The following CORIN variants were observed in gnomAD, a reference collection of about 807,000 sequenced individuals.
The protein encoded by CORIN is corin, serine peptidase, also known as atrial natriuretic peptide-converting enzyme.
Under a neutral mutation model 125.3 loss-of-function variants are expected in CORIN, and 117 were observed. The observed-to-expected ratio is 0.93, with a 90% CI of 0.80 to 1.09. The LOEUF (loss-of-function observed/expected upper bound fraction) is 1.09. Ranked by LOEUF, CORIN falls within the 50% of genes least tolerant of loss-of-function variation. The pLI is 0.00. For missense variants in CORIN, 1,253 were observed against 1,306.7 expected, an observed-to-expected ratio of 0.96 and a Z score of 0.63; for synonymous variants, 450 against 466.4, an observed-to-expected ratio of 0.96 and a Z score of 0.45.
intron 16 of CORIN, among the ~76,000 whole-genome samples, chr4:47,627,216 C>A (rs1722615307): frequency 6.6e-6 from 1 of 152,274 alleles, no homozygotes; most frequent in Non-Finnish European, 1.5e-5. Context: ...CTCCTGACCT[C>A]AAGTGGTCTG....
At chr4:47,696,015 G>A (rs775151950) in intron 5 of CORIN, among the ~76,000 whole-genome samples, 5 of 152,052 alleles carry the variant, frequency 3.3e-5, no homozygotes, top group South Asian at 2.1e-4. Context: ...GCTGATACTC[G>A]GCCAGTTTAA....
intron 12 of CORIN, among the ~76,000 whole-genome samples, chr4:47,657,535 C>CAA (rs35311151): frequency 1.6e-3 from 128 of 82,084 alleles, no homozygotes; most frequent in African/African-American, 1.9e-3. Context: ...ACTCCGTCTC[C>CAA]AAAAAAAAAA....
At chr4:47,719,640 C>A (rs2109794366) in intron 5 of CORIN, among the ~76,000 whole-genome samples, 1 of 152,246 alleles carries the variant, frequency 6.6e-6, no homozygotes, top group South Asian at 2.1e-4. Context: ...AGTTTCATAG[C>A]TAAACAAGAA....
chr4:47,710,370 C>A (rs1025709380), intron 5 of CORIN, among the ~76,000 whole-genome samples: 6 of 152,336 alleles, frequency 3.9e-5, no homozygotes, highest in Non-Finnish European at 5.9e-5. Context: ...ATTCTAAAAT[C>A]TTTAAAGAGC....
chr4:47,796,770 T>C (rs1210995376), intron 2 of CORIN, among the ~76,000 whole-genome samples: 2 of 151,968 alleles, frequency 1.3e-5, no homozygotes, highest in Non-Finnish European at 2.9e-5. Context: ...AATGAATAAA[T>C]AAACAAATAA....
intron 20 of CORIN, among the ~76,000 whole-genome samples, chr4:47,602,408 C>T (rs951500631): frequency 2.6e-5 from 4 of 152,210 alleles, no homozygotes; most frequent in African/African-American, 9.7e-5. Context: ...GTTAAGTCAT[C>T]TACAGAGCCA....
At chr4:47,742,168 T>C (rs1230182799) in intron 5 of CORIN, among the ~76,000 whole-genome samples, 1 of 151,910 alleles carries the variant, frequency 6.6e-6, no homozygotes, top group African/African-American at 2.4e-5. Flanking sequence ...TCAAAACCCA[T>C]TCAGGATTTT....
intron 13 of CORIN, among the ~76,000 whole-genome samples, chr4:47,653,344 G>T (rs1346809665): frequency 6.6e-6 from 1 of 152,064 alleles, no homozygotes; most frequent in East Asian, 1.9e-4. Flanking sequence ...TATGTATCAG[G>T]GTTATATAGA....
At chr4:47,823,021 G>T (rs1217269808) in intron 1 of CORIN, among the ~76,000 whole-genome samples, 1 of 152,032 alleles carries the variant, frequency 6.6e-6, no homozygotes, top group African/African-American at 2.4e-5. Context: ...CACCATATTG[G>T]CCAGGATGGT....
At position 47,603,436 on chromosome 4, in the gene CORIN, A is replaced by G; in HGVS notation, c.2773T>C (p.Tyr925His). 6.2e-7 allele frequency: 1 copy of G among 1,614,184 alleles called. No individual in the cohort carries two copies. Among genetic ancestry groups the G allele is most frequent in the Non-Finnish European group, 8.5e-7 (1 of 1,180,028 alleles). Residue 925 changes from tyrosine to histidine, a missense_variant, in exon 20 of 22, where the codon TAC (tyrosine) becomes CAC (histidine). Transcript: ENST00000273857. ...NPEQWLEPDT[Y>H]CYITGWGHMG... ...TGGCCCCAGCCTGTGATATAGCAGTACGTGTCAGGCTCTAGCCACTGCTCC... is the reference window on the plus strand; with the variant it reads ...TGGCCCCAGCCTGTGATATAGCAGTGCGTGTCAGGCTCTAGCCACTGCTCC...
At chr4:47,614,096 G>A (rs1721978880) in intron 19 of CORIN, among the ~76,000 whole-genome samples, 1 of 152,196 alleles carries the variant, frequency 6.6e-6, no homozygotes, top group Admixed American at 6.5e-5. Context: ...AACAAGAAAA[G>A]AGGAAAATTG....
chr4:47,731,998 T>G (rs977424058), intron 5 of CORIN, among the ~76,000 whole-genome samples: 7 of 151,778 alleles, frequency 4.6e-5, no homozygotes, highest in African/African-American at 1.5e-4. Flanking sequence ...TCTTGAGAGG[T>G]GTAAGCAAGG....
At chr4:47,770,993 G>A (rs1266218009) in intron 3 of CORIN, among the ~76,000 whole-genome samples, 1 of 152,058 alleles carries the variant, frequency 6.6e-6, no homozygotes, top group East Asian at 1.9e-4. Context: ...ATAATGCCCT[G>A]TACACTTTGA....
At chr4:47,776,149 A>T (rs1029329804) in intron 3 of CORIN, among the ~76,000 whole-genome samples, 1 of 149,892 alleles carries the variant, frequency 6.7e-6, no homozygotes, top group African/African-American at 2.5e-5. Context: ...CCTCCCGAGT[A>T]GCTGGGACTA....
intron 1 of CORIN, among the ~76,000 whole-genome samples, chr4:47,836,578 T>TA (rs1733427969): frequency 3.9e-5 from 6 of 152,354 alleles, no homozygotes; most frequent in Middle Eastern, 3.4e-3. Flanking sequence ...CGAAGTCTTG[T>TA]ACAGGAGTCC....
chr4:47,709,271 CTTTATTTATTTATTTA>C (rs71199994), intron 5 of CORIN, among the ~76,000 whole-genome samples: 35 of 148,336 alleles, frequency 2.4e-4, no homozygotes, highest in African/African-American at 7.2e-4. Flanking sequence ...ATTTGCAGTA[CTTTATTTATTTATTTA>C]TTTATTTATT....
At chr4:47,796,039 A>G (rs1158448430) in intron 2 of CORIN, among the ~76,000 whole-genome samples, 1 of 152,092 alleles carries the variant, frequency 6.6e-6, no homozygotes, top group Non-Finnish European at 1.5e-5. Context: ...TGCAGCCACT[A>G]TGGAAAACAG....
chr4:47,775,250 G>C lies in CORIN; in HGVS notation c.409+11475C>G, dbSNP rs555156758. 3.3e-5 allele frequency among the ~76,000 whole-genome samples: 5 copies of C among 151,554 alleles called. No homozygotes were observed. In the East Asian group the frequency reaches 5.9e-4, roughly 18 times the overall value. ...TTTTTCATATATACTTTAAGTTCTA[G>C]GGTACATGTGCACAACGTACAGGTT... On this transcript the variant is annotated intron_variant, in intron 3 of 21. Coordinates refer to ENST00000273857, the MANE Select transcript of CORIN (RefSeq NM_006587.4).
chr4:47,820,242 C>T (rs1463433559), intron 1 of CORIN, among the ~76,000 whole-genome samples: 1 of 151,776 alleles, frequency 6.6e-6, no homozygotes, highest in Non-Finnish European at 1.5e-5. Flanking sequence ...GAGGCTAAGA[C>T]ATCCTGGAAA....
Sources: gnomAD v4.1 joint callset for allele counts (sites outside exome capture counted in the v4.1 genomes callset) on GRCh38, gnomAD v4.1.1 for gene constraint, MANE v1.5 for transcripts, NCBI Gene and HGNC (gene_info 2026-07-23, HGNC 2026-07-21) for gene names.